The following TNNI3K variants were observed in gnomAD, a reference collection of about 807,000 sequenced individuals.
The protein encoded by TNNI3K is TNNI3 interacting kinase.
Under a neutral mutation model 114.5 loss-of-function variants are expected in TNNI3K, and 140 were observed. The observed-to-expected ratio is 1.22, with a 90% CI of 1.07 to 1.41. TNNI3K has a LOEUF of 1.41. Among genes scored for constraint, TNNI3K ranks in the 40% most tolerant of loss-of-function variants. TNNI3K has a pLI of 0.00. For missense variants in TNNI3K, 1,125 were observed against 1,007.6 expected, an observed-to-expected ratio of 1.12 and a Z score of -1.58; for synonymous variants, 347 against 347.5, an observed-to-expected ratio of 1.00 and a Z score of 0.02.
chr1:74,451,683 T>TTTC (rs1553148030), intron 20 of TNNI3K, among the ~76,000 whole-genome samples: 1 of 76,282 alleles, frequency 1.3e-5, no homozygotes, highest in African/African-American at 4.1e-5. Context: ...TTTTCTTTTC[T>TTTC]TTTCTTTCTT....
rs563095877 is a variant in TNNI3K at position 74,529,574 on chromosome 1, G to A, written c.2352-10660G>A. Among the ~76,000 whole-genome samples, 27 of 152,286 alleles carry A rather than the reference G, an allele frequency of 1.8e-4. 1 individual carries two copies. The South Asian group carries it at 5.4e-3, about 30-fold the overall frequency. ...AGATAATTGGCAAAACTTGAATGGC[G>A]TCTGAGAGTAGATGGAAGAATCAAA... On this transcript the variant is annotated intron_variant, in intron 23 of 24. Coordinates refer to ENST00000326637, the MANE Select transcript of TNNI3K (RefSeq NM_015978.3).
At chr1:74,525,552 T>C (rs1646492712) in intron 23 of TNNI3K, among the ~76,000 whole-genome samples, 1 of 152,204 alleles carries the variant, frequency 6.6e-6, no homozygotes, top group African/African-American at 2.4e-5. Context: ...ACCAAATTTA[T>C]TTTTAAAATA....
At chr1:74,435,027 A>G (rs1666061087) in intron 17 of TNNI3K, among the ~76,000 whole-genome samples, 1 of 152,056 alleles carries the variant, frequency 6.6e-6, no homozygotes, top group Non-Finnish European at 1.5e-5. Context: ...AATTTATTAT[A>G]AAATAAATAT....
chr1:74,440,552 A>G (rs1012048653), intron 20 of TNNI3K, among the ~76,000 whole-genome samples: 2 of 152,014 alleles, frequency 1.3e-5, no homozygotes, highest in Admixed American at 6.6e-5. Context: ...GCCACATCTC[A>G]TCTCATACTC....
At position 74,355,130 on chromosome 1, in the gene TNNI3K, A is replaced by G. The variant is rs45566839; in HGVS notation, c.1177+1001A>G. ...TAAAAAAATGCCAGATTTTAAAGTC[A>G]CATTTTAATTGTTATTTTAACTTTT... On this transcript the variant is annotated intron_variant, in intron 11 of 24. Transcript: ENST00000326637. Among the ~76,000 whole-genome samples the G allele has an allele frequency of 5.3e-3, 807 of 152,354 alleles. 3 individuals are homozygous for G. Among genetic ancestry groups the G allele is most frequent in the Middle Eastern group, 0.017 (5 of 294 alleles).
chr1:74,314,946 A>G (rs1239944107), intron 5 of TNNI3K, among the ~76,000 whole-genome samples: 1 of 152,098 alleles, frequency 6.6e-6, no homozygotes, highest in African/African-American at 2.4e-5. Context: ...TTTTGTTTCT[A>G]CCTCACTCCC....
intron 17 of TNNI3K, among the ~76,000 whole-genome samples, chr1:74,395,718 C>A (rs1165181312): frequency 6.6e-6 from 1 of 152,120 alleles, no homozygotes; most frequent in South Asian, 2.1e-4. Flanking sequence ...TGCAGGAAAC[C>A]TCCAGTGCGG....
At chr1:74,254,692 G>A (rs559038041) in intron 4 of TNNI3K, among the ~76,000 whole-genome samples, 1 of 152,222 alleles carries the variant, frequency 6.6e-6, no homozygotes, top group Admixed American at 6.5e-5. Flanking sequence ...AGAGGAAAGG[G>A]GTCCCGATCC....
intron 21 of TNNI3K, among the ~76,000 whole-genome samples, chr1:74,473,170 G>A (rs942200198): frequency 6.6e-6 from 1 of 152,104 alleles, no homozygotes; most frequent in African/African-American, 2.4e-5. Flanking sequence ...CATAATGTAC[G>A]TTCATCATCT....
chr1:74,518,762 G>T (rs1228134905), intron 23 of TNNI3K, among the ~76,000 whole-genome samples: 1 of 151,606 alleles, frequency 6.6e-6, no homozygotes, highest in African/African-American at 2.4e-5. Flanking sequence ...ATAAGTAAAG[G>T]GTGTGTTTTT....
chr1:74,299,490 C>G (rs1270410404), intron 5 of TNNI3K, among the ~76,000 whole-genome samples: 3 of 152,056 alleles, frequency 2.0e-5, no homozygotes, highest in African/African-American at 7.2e-5. Flanking sequence ...ATAAATGTAG[C>G]ACAGATGAAG....
At chr1:74,537,775 G>A (rs1646677833) in intron 23 of TNNI3K, among the ~76,000 whole-genome samples, 1 of 152,090 alleles carries the variant, frequency 6.6e-6, no homozygotes, top group African/African-American at 2.4e-5. Context: ...AGAGGGGTAT[G>A]GAAGAGGAAG....
intron 12 of TNNI3K, 115 bp downstream of exon 12, chr1:74,367,457 G>A (rs1324070265): frequency 7.4e-6 from 8 of 1,076,026 alleles, no homozygotes; most frequent in Admixed American, 5.3e-5. Context: ...CATAGCCTAT[G>A]TCAGATTAGA....
chr1:74,369,502 C>T lies in TNNI3K; in HGVS notation c.1584C>T (p.Cys528=), dbSNP rs753571441. 14 of 1,612,632 alleles carry T rather than the reference C, an allele frequency of 8.7e-6. No individual in the cohort carries two copies. The highest frequency in any genetic ancestry group is 1.1e-5 in the Non-Finnish European group (13 of 1,179,196). ...HPCVIQFVGA[C]LNDPSQFAIV... ...GCGTAATTCAGTTTGTGGGTGCTTGCTTGAATGATCCCAGCCAGTTTGCCA... is the reference window on the plus strand; with the variant it reads ...GCGTAATTCAGTTTGTGGGTGCTTGTTTGAATGATCCCAGCCAGTTTGCCA... The change falls in exon 16 of 25, where the codon TGC becomes TGT. Residue 528 remains cysteine (C), a synonymous_variant. Coordinates refer to ENST00000326637, the MANE Select transcript of TNNI3K (RefSeq NM_015978.3).
At chr1:74,479,899 C>A (rs564198082) in intron 21 of TNNI3K, among the ~76,000 whole-genome samples, 1 of 152,332 alleles carries the variant, frequency 6.6e-6, no homozygotes, top group African/African-American at 2.4e-5. Flanking sequence ...TTCAAGGTCA[C>A]CAATGCTATT....
chr1:74,263,781 C>A (rs947739172), intron 4 of TNNI3K, among the ~76,000 whole-genome samples: 1 of 151,954 alleles, frequency 6.6e-6, no homozygotes, highest in Admixed American at 6.6e-5. Context: ...TTTTTAAACT[C>A]TTGCTCCTTA....
intron 15 of TNNI3K, 43 bp from the exon 16 acceptor site, chr1:74,369,348 A>C (rs763187279): frequency 1.2e-6 from 2 of 1,606,792 alleles, no homozygotes; most frequent in Non-Finnish European, 1.7e-6. Context: ...CCTTGTTTGG[A>C]TCCATCTGTT....
At chr1:74,493,759 C>T (rs1390389321) in intron 23 of TNNI3K, among the ~76,000 whole-genome samples, 3 of 152,208 alleles carry the variant, frequency 2.0e-5, no homozygotes, top group Non-Finnish European at 2.9e-5. Context: ...ATATTCTTCT[C>T]ACAGACAAAG....
rs186732970 is a variant in TNNI3K, at chr1:74,340,877, A to T, written c.683-1965A>T. Among the ~76,000 whole-genome samples the T allele has an allele frequency of 8.7e-4, 132 of 152,310 alleles. 1 individual carries two copies. The highest frequency in any genetic ancestry group is 3.4e-3 in the Middle Eastern group (1 of 294). The stretch of plus-strand genomic sequence containing the variant: ...AAGGGAGATAATCAGAAGAACCAAC[A>T]TTCTTCTGAATGAAAGGCGTCTTTT... On this transcript the variant is annotated intron_variant, in intron 7 of 24. Transcript: ENST00000326637.
Sources: gnomAD v4.1 joint callset for allele counts (sites outside exome capture counted in the v4.1 genomes callset) on GRCh38, gnomAD v4.1.1 for gene constraint, MANE v1.5 for transcripts, NCBI Gene and HGNC (gene_info 2026-07-23, HGNC 2026-07-21) for gene names.